FAM120B: variants seen among roughly 807,000 people sequenced by gnomAD.
FAM120B encodes the protein constitutive coactivator of peroxisome proliferator-activated receptor gamma.
A neutral mutation model predicts 96.3 loss-of-function variants in FAM120B; 83 were observed. That is an observed-to-expected ratio of 0.86 (90% CI 0.72 to 1.03). The LOEUF (loss-of-function observed/expected upper bound fraction) is 1.03, where lower values mean the gene tolerates loss of function less well. FAM120B is among the 50% of genes least tolerant of loss of function. The pLI, the probability that FAM120B is intolerant of heterozygous loss-of-function variation, is 0.00. For missense variants in FAM120B, 1,027 were observed against 1,121.2 expected (o/e 0.92, Z 1.20); for synonymous variants, 407 against 402.7 (o/e 1.01, Z -0.13).
chr6:170,323,109 A>G lies in FAM120B; in HGVS notation c.1765A>G (p.Ser589Gly). The G allele has an allele frequency of 3.1e-6, 5 of 1,613,476 alleles. No homozygotes were observed. The highest frequency in any genetic ancestry group is 4.2e-6 in the Non-Finnish European group (5 of 1,179,758). ...VARTHHVQAE[S>G]YLVYNIMSSG... ...TAGAACACATCACGTCCAAGCAGAA[A>G]GCTACCTGGTGTACAACATCATGAG... Residue 589 changes from serine to glycine, a missense_variant, in exon 3 of 11, where the codon AGC (serine) becomes GGC (glycine). Physicochemically the swap from Ser to Gly is moderately conservative, Grantham distance 56. Around this residue, in one of 3 missense-constraint regions of FAM120B, gnomAD observed 880 missense variants for 980.9 expected, o/e 0.90. Coordinates refer to ENST00000476287, the MANE Select transcript of FAM120B (RefSeq NM_032448.3).
chr6:170,341,286 C>T (rs1380287636), intron 4 of FAM120B, among the ~76,000 whole-genome samples: 2 of 152,192 alleles, frequency 1.3e-5, no homozygotes. Context: ...ACTTCCTGGC[C>T]TCCCAGCACT....
intron 4 of FAM120B, among the ~76,000 whole-genome samples, chr6:170,338,297 T>G (rs2115097958): frequency 6.6e-6 from 1 of 152,360 alleles, no homozygotes; most frequent in South Asian, 2.1e-4. Context: ...TACCCAGTAG[T>G]CATTCAGGAG....
intron 2 of FAM120B, among the ~76,000 whole-genome samples, chr6:170,321,565 G>A (rs1248667605): frequency 1.3e-5 from 2 of 152,166 alleles, no homozygotes; most frequent in Admixed American, 6.5e-5. Flanking sequence ...TTTTAGTAAA[G>A]ATGGGGTTTC....
chr6:170,393,137 C>A (rs1429872490), intron 8 of FAM120B, among the ~76,000 whole-genome samples: 1 of 124,532 alleles, frequency 8.0e-6, no homozygotes, highest in African/African-American at 3.2e-5. Context: ...CATAGCGAGA[C>A]CCTGTCTTTA....
chr6:170,330,786 A>G, intron 4 of FAM120B: 1 of 525,890 alleles, frequency 1.9e-6, no homozygotes, highest in South Asian at 2.3e-5. Context: ...CTCTTTCTCC[A>G]TCCACCCTGG....
chr6:170,361,222 A>ATATATACACG (rs1554286441), intron 6 of FAM120B, among the ~76,000 whole-genome samples: 44 of 101,984 alleles, frequency 4.3e-4, no homozygotes, highest in African/African-American at 1.2e-3. Context: ...ATATATATAT[A>ATATATACACG]TATATATATA....
chr6:170,344,652 C>T (rs1787060603), intron 4 of FAM120B, among the ~76,000 whole-genome samples: 1 of 152,242 alleles, frequency 6.6e-6, no homozygotes, highest in Non-Finnish European at 1.5e-5. Context: ...TGGGCAAGTC[C>T]GTAGATCTGG....
intron 1 of FAM120B, among the ~76,000 whole-genome samples, chr6:170,308,429 A>T (rs1011716729): frequency 1.3e-5 from 2 of 152,058 alleles, no homozygotes; most frequent in East Asian, 3.9e-4. Context: ...GAAATCTCTG[A>T]TCACCTGTGG....
chr6:170,318,326 A>G lies in FAM120B; in HGVS notation c.936A>G (p.Pro312=), dbSNP rs750953087. 16 of 1,614,070 alleles carry G rather than the reference A, an allele frequency of 9.9e-6. No homozygotes were observed. Among genetic ancestry groups the G allele is most frequent in the Non-Finnish European group, 1.4e-5 (16 of 1,180,022 alleles). Residue 312 remains proline (P), a synonymous_variant, in exon 2 of 11, where the codon CCA becomes CCG. Coordinates refer to ENST00000476287, the MANE Select transcript of FAM120B (RefSeq NM_032448.3). The part of the protein sequence containing the change: ...ASYLLPGQKS[P]WFFQKPKGVI... ...ATCTTTTACCAGGACAAAAATCTCC[A>G]TGGTTTTTCCAAAAACCCAAAGGTG...
At position 170,363,597 on chromosome 6, in the gene FAM120B, G is replaced by C. The variant is rs767527536; in HGVS notation, c.2283+5279G>C. On this transcript the variant is annotated intron_variant, in intron 6 of 10. Coordinates refer to ENST00000476287, the MANE Select transcript of FAM120B (RefSeq NM_032448.3). The surrounding 1 kb of genome is among the most constrained non-coding windows in gnomAD (Gnocchi z 4.5). ...TAGTGAAAATACAGGTCCCAGGCAA[G>C]GCCTGAAGCCCCAGTTTTTACTTTA... is the stretch of plus-strand genomic sequence containing the variant. Among the ~76,000 whole-genome samples, 5 of 152,248 alleles carry C rather than the reference G, an allele frequency of 3.3e-5. No homozygotes were observed. The highest frequency in any genetic ancestry group is 7.3e-5 in the Non-Finnish European group (5 of 68,044).
At chr6:170,307,904 C>T (rs1327879450) in intron 1 of FAM120B, among the ~76,000 whole-genome samples, 1 of 152,058 alleles carries the variant, frequency 6.6e-6, no homozygotes, top group African/African-American at 2.4e-5. Flanking sequence ...AGAGAAGTGC[C>T]GAGAGGGAAA....
At chr6:170,350,675 G>T (rs780423111) in intron 5 of FAM120B, among the ~76,000 whole-genome samples, 1 of 152,146 alleles carries the variant, frequency 6.6e-6, no homozygotes, top group Admixed American at 6.5e-5. Flanking sequence ...GGAGTAGACC[G>T]CCAGCAAATG....
intron 1 of FAM120B, among the ~76,000 whole-genome samples, chr6:170,297,298 A>AT (rs1784037231): frequency 6.6e-6 from 1 of 152,146 alleles, no homozygotes; most frequent in Non-Finnish European, 1.5e-5. Flanking sequence ...AAGCTTTCGA[A>AT]CGCGCCGTGC....
chr6:170,389,339 A>C (rs569285900), intron 7 of FAM120B, among the ~76,000 whole-genome samples: 20 of 152,308 alleles, frequency 1.3e-4, no homozygotes, highest in African/African-American at 4.6e-4. Flanking sequence ...CCAGGTGTGG[A>C]ATTTTCCACT....
chr6:170,376,066 T>A (rs1163938189), intron 6 of FAM120B, among the ~76,000 whole-genome samples: 1 of 151,590 alleles, frequency 6.6e-6, no homozygotes, highest in Non-Finnish European at 1.5e-5. Flanking sequence ...GAACTGGAGG[T>A]GGAGATGAAG....
chr6:170,401,909 C>T (rs963473865), intron 9 of FAM120B, among the ~76,000 whole-genome samples: 2 of 152,018 alleles, frequency 1.3e-5, no homozygotes, highest in Middle Eastern at 3.4e-3. Flanking sequence ...CCAGGGCTGC[C>T]TCCGCAGCCT....
chr6:170,356,841 C>T (rs577565074), intron 5 of FAM120B, among the ~76,000 whole-genome samples: 6 of 152,252 alleles, frequency 3.9e-5, no homozygotes, highest in African/African-American at 1.4e-4. Context: ...CTGAGAATAT[C>T]CTCTGGAAAG....
At chr6:170,307,209 C>A (rs911163715) in intron 1 of FAM120B, among the ~76,000 whole-genome samples, 6 of 152,242 alleles carry the variant, frequency 3.9e-5, no homozygotes, top group African/African-American at 1.4e-4. Flanking sequence ...ATTTTTGGGT[C>A]AGAGCTGTTA....
At chr6:170,377,693 G>A (rs1789628102) in intron 6 of FAM120B, among the ~76,000 whole-genome samples, 2 of 126,068 alleles carry the variant, frequency 1.6e-5, no homozygotes, top group Non-Finnish European at 1.7e-5. Context: ...ACAGGCTCAC[G>A]CTGCTCGGTG....
Sources: allele counts gnomAD v4.1 joint callset (sites outside exome capture counted in the v4.1 genomes callset), GRCh38; gene constraint gnomAD v4.1.1; regional missense constraint gnomAD v4.1.1; non-coding constraint Gnocchi (gnomAD v3.1); transcripts MANE v1.5; gene names NCBI Gene and HGNC (gene_info 2026-07-23, HGNC 2026-07-21).